TNFSF11: variants seen among roughly 807,000 people sequenced by gnomAD.
TNFSF11 encodes tumor necrosis factor ligand superfamily member 11.
Under a neutral mutation model 32.2 loss-of-function variants are expected in TNFSF11, and 12 were observed. The ratio of observed to expected loss-of-function variants is 0.37; its 90% CI spans 0.24 to 0.60. TNFSF11 has a LOEUF of 0.60. Ranked by LOEUF, TNFSF11 falls within the 20% of genes least tolerant of loss-of-function variation. The pLI is 0.66. For synonymous variants in TNFSF11, 172 were observed against 152.1 expected (o/e 1.13, Z -0.96); for missense variants, 345 against 398.0 (o/e 0.87, Z 1.13).
chr13:42,605,291 T>G (rs1482669319), intron 4 of TNFSF11, among the ~76,000 whole-genome samples: 1 of 152,224 alleles, frequency 6.6e-6, no homozygotes, highest in Non-Finnish European at 1.5e-5. Flanking sequence ...AACTCCAGTC[T>G]GAGACTCAAC....
chr13:42,590,915 C>G (rs1444251929), intron 2 of TNFSF11, among the ~76,000 whole-genome samples: 2 of 152,238 alleles, frequency 1.3e-5, no homozygotes, highest in Non-Finnish European at 2.9e-5. Flanking sequence ...AAAACAAGGA[C>G]ATGCTATTCT....
At position 42,574,308 on chromosome 13, in the gene TNFSF11, G is replaced by C; in HGVS notation, c.5G>C (p.Arg2Pro). Residue 2 changes from arginine to proline, a missense_variant, in exon 1 of 5, where the codon CGC becomes CCC. Physicochemically the swap from Arg to Pro is moderately radical, Grantham distance 103. This residue lies in a region of TNFSF11 where 197 missense variants were observed against 182.0 expected (regional missense o/e 1.08). Transcript: ENST00000398795. M[R>P]RASRDYTKYL... ...GAAGCGAGAGGGCCGAGCGCCATGCGCCGCGCCAGCAGAGACTACACCAAG... is the reference window on the plus strand; with the variant it reads ...GAAGCGAGAGGGCCGAGCGCCATGCCCCGCGCCAGCAGAGACTACACCAAG... The C allele has an allele frequency of 6.5e-7, 1 of 1,546,020 alleles. No homozygotes were observed. The highest frequency in any genetic ancestry group is 1.2e-5 in the South Asian group (1 of 83,850).
intron 2 of TNFSF11, among the ~76,000 whole-genome samples, chr13:42,589,710 G>A (rs1594470385): frequency 6.6e-6 from 1 of 152,124 alleles, no homozygotes; most frequent in East Asian, 1.9e-4. Context: ...TCGCCTCTCT[G>A]CCTCTCTGCA....
intron 2 of TNFSF11, among the ~76,000 whole-genome samples, chr13:42,599,824 C>T (rs564824254): frequency 2.6e-5 from 4 of 152,264 alleles, no homozygotes; most frequent in African/African-American, 7.2e-5. Flanking sequence ...CCCATGCCAG[C>T]CTCCCAAAGT....
intron 2 of TNFSF11, among the ~76,000 whole-genome samples, chr13:42,598,251 C>T (rs1474047428): frequency 1.3e-5 from 2 of 152,148 alleles, no homozygotes; most frequent in Non-Finnish European, 2.9e-5. Context: ...CCCCATCTCT[C>T]CTCTGATGGA....
intron 2 of TNFSF11, among the ~76,000 whole-genome samples, chr13:42,596,019 G>T (rs1310000371): frequency 6.6e-6 from 1 of 152,188 alleles, no homozygotes; most frequent in African/African-American, 2.4e-5. Context: ...GTCAATTGGG[G>T]TGAAGTTTGG....
chr13:42,604,639 TC>T (rs1869352709), intron 4 of TNFSF11, among the ~76,000 whole-genome samples: 1 of 152,206 alleles, frequency 6.6e-6, no homozygotes, highest in African/African-American at 2.4e-5. Context: ...CCAGATCATA[TC>T]CCAGGCTCCC....
At chr13:42,577,118 C>T (rs1426494474) in intron 1 of TNFSF11, among the ~76,000 whole-genome samples, 2 of 152,040 alleles carry the variant, frequency 1.3e-5, no homozygotes, top group Non-Finnish European at 2.9e-5. Context: ...TGAATGAGAA[C>T]AAACTATCTA....
At chr13:42,596,327 C>T (rs1868806728) in intron 2 of TNFSF11, among the ~76,000 whole-genome samples, 1 of 152,146 alleles carries the variant, frequency 6.6e-6, no homozygotes, top group Non-Finnish European at 1.5e-5. Context: ...ATCATATTTT[C>T]TGATGTCCCG....
At position 42,600,938 on chromosome 13, in the gene TNFSF11, G is replaced by A; in HGVS notation, c.489G>A (p.Gln163=). 1 of 1,614,082 alleles carries A rather than the reference G, an allele frequency of 6.2e-7. No homozygotes were observed. Among genetic ancestry groups the A allele is most frequent in the Non-Finnish European group, 8.5e-7 (1 of 1,179,992 alleles). ...CCAAGAGGAGCAAGCTTGAAGCTCA[G>A]CCTTTTGCTCATCTCACTATTAATG... ...DLAKRSKLEA[Q]PFAHLTINAT... is the part of the protein sequence containing the mutation. Residue 163 remains glutamine (Q), a synonymous_variant, in exon 4 of 5, where the codon CAG becomes CAA. Transcript: ENST00000398795.
chr13:42,598,545 A>G (rs1594477105), intron 2 of TNFSF11, among the ~76,000 whole-genome samples: 1 of 152,186 alleles, frequency 6.6e-6, no homozygotes, highest in African/African-American at 2.4e-5. Flanking sequence ...CTATCAAGGC[A>G]TGTCCCTGTT....
chr13:42,587,358 A>G (rs919308023), intron 2 of TNFSF11, among the ~76,000 whole-genome samples: 1 of 152,232 alleles, frequency 6.6e-6, no homozygotes, highest in Non-Finnish European at 1.5e-5. Context: ...GGAGTTGCCT[A>G]TAACTAATAG....
At chr13:42,596,090 A>C (rs1868794366) in intron 2 of TNFSF11, among the ~76,000 whole-genome samples, 3 of 152,196 alleles carry the variant, frequency 2.0e-5, no homozygotes, top group Admixed American at 2.0e-4. Context: ...GGCTATCAAA[A>C]GGTCTGTGTT....
intron 1 of TNFSF11, among the ~76,000 whole-genome samples, chr13:42,577,009 A>G (rs764769126): frequency 3.9e-5 from 6 of 152,178 alleles, no homozygotes; most frequent in Non-Finnish European, 8.8e-5. Context: ...TTTCACTTAT[A>G]TCGGCTCTTT....
chr13:42,581,012 G>A, intron 1 of TNFSF11, 114 bp from the exon 2 acceptor site: 1 of 1,069,404 alleles, frequency 9.4e-7, no homozygotes, highest in South Asian at 1.3e-5. Context: ...ATTCATTGTT[G>A]GGGACATAAA....
intron 2 of TNFSF11, among the ~76,000 whole-genome samples, chr13:42,583,228 T>C (rs1873703161): frequency 6.6e-6 from 1 of 151,548 alleles, no homozygotes; most frequent in African/African-American, 2.4e-5. Flanking sequence ...CTGATCAACA[T>C]AGTGAGACCT....
intron 2 of TNFSF11, among the ~76,000 whole-genome samples, chr13:42,599,334 T>TATCTATC (rs1555310719): frequency 7.6e-6 from 1 of 130,942 alleles, no homozygotes; most frequent in Non-Finnish European, 1.7e-5. Context: ...TCTATCTATC[T>TATCTATC]ATCTATCTAT....
upstream of TNFSF11, chr13:42,571,660 C>A (rs202066687): frequency 6.6e-6 from 1 of 152,132 alleles, no homozygotes; most frequent in Non-Finnish European, 1.5e-5. Context: ...TGAACCACTG[C>A]GCCTGGCCTA....
At chr13:42,592,028 A>G (rs1339080333) in intron 2 of TNFSF11, among the ~76,000 whole-genome samples, 1 of 152,148 alleles carries the variant, frequency 6.6e-6, no homozygotes, top group African/African-American at 2.4e-5. Context: ...ATATTAGGGG[A>G]TTTCGGAGTG....
Sources: allele counts gnomAD v4.1 joint callset (sites outside exome capture counted in the v4.1 genomes callset), GRCh38; gene constraint gnomAD v4.1.1; regional missense constraint gnomAD v4.1.1; transcripts MANE v1.5; gene names NCBI Gene and HGNC (gene_info 2026-07-23, HGNC 2026-07-21).